TENM2: variants seen among roughly 807,000 people sequenced by gnomAD.
TENM2 encodes teneurin-2.
A neutral mutation model predicts 245.2 loss-of-function variants in TENM2; 52 were observed. The ratio of observed to expected loss-of-function variants is 0.21; its 90% CI spans 0.17 to 0.27. The LOEUF (loss-of-function observed/expected upper bound fraction) is 0.27. Among genes scored for constraint, TENM2 ranks in the 10% least tolerant of loss-of-function variants. The pLI, the probability that TENM2 is intolerant of heterozygous loss-of-function variation, is 1.00. For synonymous variants in TENM2, 1,363 were observed against 1,438.9 expected (o/e 0.95, Z 1.19); for missense variants, 3,046 against 3,666.8 (o/e 0.83, Z 4.37).
At position 167,847,830 on chromosome 5, in the gene TENM2, T is replaced by C. The variant is rs970831016; in HGVS notation, c.503-28156T>C. Among the ~76,000 whole-genome samples, 4 of 152,238 alleles carry C rather than the reference T, an allele frequency of 2.6e-5. No homozygotes were observed. The East Asian group carries it at 7.7e-4, about 29-fold the overall frequency. The stretch of plus-strand genomic sequence containing the variant: ...TAATCTGTGTCTCATGCAGAGATTA[T>C]ACTGATATAAAACTCCAAAGCCTTT... On this transcript the variant is annotated intron_variant, in intron 2 of 28. Transcript: ENST00000518659.
intron 13 of TENM2, among the ~76,000 whole-genome samples, chr5:168,176,973 A>G (rs970699143): frequency 1.3e-5 from 2 of 152,220 alleles, no homozygotes; most frequent in Admixed American, 1.3e-4. Flanking sequence ...CTTCATCTGT[A>G]TTATTGACTT....
chr5:168,185,080 A>G (rs1187280194), intron 13 of TENM2: 2 of 152,204 alleles, frequency 1.3e-5, no homozygotes, highest in Non-Finnish European at 2.9e-5. Context: ...TTTCCCAGCT[A>G]TAGGAGTAGA....
intron 2 of TENM2, among the ~76,000 whole-genome samples, chr5:167,602,707 A>T (rs986625313): frequency 2.6e-5 from 4 of 152,188 alleles, no homozygotes; most frequent in African/African-American, 9.7e-5. Context: ...CTAGATTCTG[A>T]TGATACAGAG....
chr5:167,151,962 C>A, the TENM2 span, among the ~76,000 whole-genome samples: 1 of 152,216 alleles, frequency 6.6e-6, no homozygotes, highest in African/African-American at 2.4e-5. Flanking sequence ...CCAGGCATTG[C>A]ACACACTACG....
chr5:167,898,523 C>T (rs770942483), intron 3 of TENM2, among the ~76,000 whole-genome samples: 2 of 152,198 alleles, frequency 1.3e-5, no homozygotes, highest in East Asian at 3.8e-4. Flanking sequence ...TAGGGCCAGG[C>T]AGCAGCCTGG....
chr5:167,096,789 T>C, the TENM2 span, among the ~76,000 whole-genome samples: 1 of 152,212 alleles, frequency 6.6e-6, no homozygotes, highest in Non-Finnish European at 1.5e-5. Flanking sequence ...AAAATAATAA[T>C]GATACTAACA....
intron 15 of TENM2, among the ~76,000 whole-genome samples, chr5:168,197,079 C>A (rs140391470): frequency 6.6e-6 from 1 of 152,296 alleles, no homozygotes; most frequent in African/African-American, 2.4e-5. Context: ...ACCGTGCCAA[C>A]TAGGAACAAT....
intron 2 of TENM2, chr5:167,721,547 G>A (rs923785147): frequency 6.6e-6 from 1 of 152,122 alleles, no homozygotes; most frequent in Admixed American, 6.5e-5. Context: ...TTGGTTCATG[G>A]CCCCTTCCTT....
intron 4 of TENM2, among the ~76,000 whole-genome samples, chr5:167,976,030 G>A (rs2546960): frequency 0.38 from 58,156 of 152,006 alleles, 11,937 homozygotes; most frequent in African/African-American, 0.53. Context: ...ACAAGAATTC[G>A]GATAAATCAA....
At chr5:167,890,911 A>G (rs1774698346) in intron 3 of TENM2, among the ~76,000 whole-genome samples, 1 of 152,110 alleles carries the variant, frequency 6.6e-6, no homozygotes, top group African/African-American at 2.4e-5. Context: ...TTAAATCCCC[A>G]CTACAACCAT....
At chr5:168,172,397 C>T (rs986615658) in intron 13 of TENM2, among the ~76,000 whole-genome samples, 4 of 152,232 alleles carry the variant, frequency 2.6e-5, no homozygotes, top group East Asian at 3.8e-4. Flanking sequence ...CTTGCTAAAA[C>T]GTCACCCACA....
chr5:167,738,810 T>C (rs1198625739), intron 2 of TENM2, among the ~76,000 whole-genome samples: 1 of 152,150 alleles, frequency 6.6e-6, no homozygotes, highest in East Asian at 1.9e-4. Flanking sequence ...TCTCTGTGTG[T>C]CCAAATTTCC....
intron 23 of TENM2, 113 bp from the exon 26 acceptor site, chr5:168,225,975 C>G (rs979778507): frequency 1.0e-5 from 10 of 983,420 alleles, no homozygotes; most frequent in Non-Finnish European, 1.5e-5. Flanking sequence ...AGATGCGCCA[C>G]CCAGCCAACC....
intron 1 of TENM2, among the ~76,000 whole-genome samples, chr5:167,353,460 T>C (rs1364946003): frequency 6.6e-6 from 1 of 150,386 alleles, no homozygotes; most frequent in Non-Finnish European, 1.5e-5. Context: ...GACCACATGA[T>C]GGCAGTGAAT....
chr5:167,944,217 G>A (rs1299717959), intron 3 of TENM2, among the ~76,000 whole-genome samples: 1 of 152,178 alleles, frequency 6.6e-6, no homozygotes, highest in Non-Finnish European at 1.5e-5. Context: ...CCCAAGGGCA[G>A]CTACTGACTT....
intron 12 of TENM2, among the ~76,000 whole-genome samples, chr5:168,132,414 T>A (rs753989699): frequency 8.5e-5 from 13 of 152,212 alleles, no homozygotes; most frequent in Non-Finnish European, 1.9e-4. Flanking sequence ...TTTAGTAATG[T>A]CTGCTCATGT....
chr5:167,825,343 C>T (rs1323374588), intron 2 of TENM2, among the ~76,000 whole-genome samples: 2 of 152,190 alleles, frequency 1.3e-5, no homozygotes, highest in East Asian at 3.9e-4. Context: ...ATTTCCTCAT[C>T]AGCCATTTAA....
intron 2 of TENM2, among the ~76,000 whole-genome samples, chr5:167,710,658 G>A (rs1758849853): frequency 6.6e-6 from 1 of 152,194 alleles, no homozygotes; most frequent in South Asian, 2.1e-4. Flanking sequence ...GAAAGCAGTA[G>A]GGAAAGATGA....
At chr5:167,638,936 G>T (rs1032565981) in intron 2 of TENM2, among the ~76,000 whole-genome samples, 1 of 152,182 alleles carries the variant, frequency 6.6e-6, no homozygotes, top group Non-Finnish European at 1.5e-5. Flanking sequence ...GCTAACACTT[G>T]TCTCTCAGAA....
Sources: allele counts gnomAD v4.1 joint callset (sites outside exome capture counted in the v4.1 genomes callset), GRCh38; gene constraint gnomAD v4.1.1; transcripts MANE v1.5; gene names NCBI Gene and HGNC (gene_info 2026-07-23, HGNC 2026-07-21).